PTPN21: variants seen among roughly 807,000 people sequenced by gnomAD.
The protein encoded by PTPN21 is protein tyrosine phosphatase non-receptor type 21.
Under a neutral mutation model 131.8 loss-of-function variants are expected in PTPN21, and 77 were observed. The ratio of observed to expected loss-of-function variants is 0.58; its 90% CI spans 0.49 to 0.71. PTPN21 has a LOEUF of 0.71. PTPN21 is among the 30% of genes least tolerant of loss of function. The pLI is 0.00. For missense variants in PTPN21, 1,552 were observed against 1,527.1 expected, an observed-to-expected ratio of 1.02 and a Z score of -0.27; for synonymous variants, 715 against 621.3, an observed-to-expected ratio of 1.15 and a Z score of -2.24.
chr14:88,516,608 G>A (rs1204650346), intron 3 of PTPN21, among the ~76,000 whole-genome samples: 5 of 151,802 alleles, frequency 3.3e-5, no homozygotes, highest in Non-Finnish European at 7.4e-5. Flanking sequence ...GCACTTATTG[G>A]CCAAAATTTC....
intron 5 of PTPN21, 95 bp from the exon 6 acceptor site, chr14:88,504,590 C>G (rs2078060470): frequency 1.0e-6 from 1 of 958,558 alleles, no homozygotes; most frequent in South Asian, 1.4e-5. Context: ...TCGTCACTAT[C>G]AGGCAAAATT....
intron 10 of PTPN21, among the ~76,000 whole-genome samples, chr14:88,495,797 G>C (rs1015361059): frequency 2.0e-5 from 3 of 152,134 alleles, no homozygotes; most frequent in Admixed American, 2.0e-4. Flanking sequence ...GCGGTCAAGT[G>C]AGAGAACTCA....
In PTPN21 at chr14:88,479,568, G is replaced by A. The variant is rs766228339; in HGVS notation, c.1863C>T (p.Ser621=). The stretch of plus-strand genomic sequence containing the variant: ...CGTGGCGCGCGGCGGTGAGGGGCTC[G>A]CTGACCTCCTGCAGCGAGTGCGCCA... ...LPVAHSLQEV[S]EPLTAARHAQ... is the part of the protein sequence containing the mutation. Residue 621 remains serine (S), a synonymous_variant, in exon 13 of 19, where the codon AGC becomes AGT. Transcript: ENST00000556564. 3.9e-5 allele frequency: 62 copies of A among 1,597,642 alleles called. No homozygotes were observed. The highest frequency in any genetic ancestry group is 3.4e-5 in the Admixed American group (2 of 59,620).
intron 4 of PTPN21, 116 bp downstream of exon 4, chr14:88,507,807 A>G: frequency 1.9e-6 from 1 of 534,848 alleles, no homozygotes; most frequent in Non-Finnish European, 3.1e-6. Flanking sequence ...TATTTCACTA[A>G]TATATAAACA....
chr14:88,518,384 GTGTATATATATATA>G (rs1468681762), intron 2 of PTPN21, among the ~76,000 whole-genome samples: 1 of 13,330 alleles, frequency 7.5e-5, no homozygotes, highest in Non-Finnish European at 1.6e-4. Context: ...ATGTGTGTGT[GTGTATATATATATA>G]TATATATATA....
intron 2 of PTPN21, among the ~76,000 whole-genome samples, chr14:88,528,330 G>T (rs2078510246): frequency 6.6e-6 from 1 of 152,196 alleles, no homozygotes; most frequent in Admixed American, 6.5e-5. Flanking sequence ...TCTTTCAGCA[G>T]TGTTTTGTAG....
intron 10 of PTPN21, chr14:88,493,256 T>C: frequency 3.0e-6 from 1 of 328,602 alleles, no homozygotes; most frequent in East Asian, 8.7e-5. Context: ...GTCATTGTTA[T>C]AAAAGAGGTA....
At chr14:88,544,054 A>C (rs1391418829) in intron 2 of PTPN21, among the ~76,000 whole-genome samples, 1 of 152,160 alleles carries the variant, frequency 6.6e-6, no homozygotes, top group Non-Finnish European at 1.5e-5. Context: ...AGGATTAAAA[A>C]ACTTTTTAGG....
At chr14:88,534,334 G>A (rs1461598421) in intron 2 of PTPN21, among the ~76,000 whole-genome samples, 3 of 150,548 alleles carry the variant, frequency 2.0e-5, no homozygotes, top group Non-Finnish European at 3.0e-5. Flanking sequence ...AGTAAGCCAA[G>A]ATCACGCAAC....
At chr14:88,520,925 C>A (rs1413763183) in intron 2 of PTPN21, among the ~76,000 whole-genome samples, 4 of 152,116 alleles carry the variant, frequency 2.6e-5, no homozygotes, top group African/African-American at 9.7e-5. Flanking sequence ...CTCACTGCAA[C>A]TTCAAACTCC....
At chr14:88,526,088 A>T (rs938060162) in intron 2 of PTPN21, among the ~76,000 whole-genome samples, 7 of 152,184 alleles carry the variant, frequency 4.6e-5, no homozygotes, top group Non-Finnish European at 7.3e-5. Context: ...CAAGACTAGA[A>T]TATATAAATC....
chr14:88,501,854 G>A (rs997910373), intron 6 of PTPN21, among the ~76,000 whole-genome samples: 4 of 151,884 alleles, frequency 2.6e-5, no homozygotes, highest in Non-Finnish European at 5.9e-5. Flanking sequence ...GCATGGTGGT[G>A]CACATCTATA....
At chr14:88,515,305 C>G (rs1349197084) in intron 3 of PTPN21, 1 of 152,148 alleles carries the variant, frequency 6.6e-6, no homozygotes, top group Non-Finnish European at 1.5e-5. Flanking sequence ...CTAATAGGCC[C>G]ATTCTCTCTC....
intron 2 of PTPN21, among the ~76,000 whole-genome samples, chr14:88,517,704 GTATA>G (rs551803473): frequency 2.8e-4 from 28 of 99,340 alleles, no homozygotes; most frequent in Non-Finnish European, 5.4e-4. Context: ...GTGCGTATGT[GTATA>G]TATGTGTGTA....
intron 2 of PTPN21, among the ~76,000 whole-genome samples, chr14:88,543,602 G>A (rs1001655907): frequency 2.0e-5 from 3 of 152,176 alleles, no homozygotes; most frequent in Non-Finnish European, 2.9e-5. Flanking sequence ...TGCCATCCCA[G>A]ACCCTGGCAA....
At chr14:88,497,136 C>A (rs984217885) in intron 9 of PTPN21, 67 bp downstream of exon 9, 93 of 1,212,590 alleles carry the variant, frequency 7.7e-5, no homozygotes, top group Non-Finnish European at 1.0e-4. Context: ...CACATACAGG[C>A]ACGCAGAAGT....
chr14:88,487,687 A>G (rs2077758266), intron 10 of PTPN21, among the ~76,000 whole-genome samples: 1 of 152,100 alleles, frequency 6.6e-6, no homozygotes, highest in African/African-American at 2.4e-5. Context: ...AAGATATTCC[A>G]TTCTTCCAGT....
chr14:88,469,099 A>T lies in PTPN21; in HGVS notation c.3236-23T>A. 6.3e-7 allele frequency: 1 copy of T among 1,599,332 alleles called. No individual in the cohort carries two copies. The highest frequency in any genetic ancestry group is 1.1e-5 in the South Asian group (1 of 89,934). On this transcript the variant is annotated intron_variant, in intron 17 of 18. Transcript: ENST00000556564. The surrounding 1 kb of genome is among the most constrained non-coding windows in gnomAD (Gnocchi z 4.3). ...ATGCTGTGGAAAATCAATGAAATAG[A>T]AAAGTACTCAAGGATCAAGGCGTAT...
intron 10 of PTPN21, among the ~76,000 whole-genome samples, chr14:88,488,706 G>A (rs964247991): frequency 2.0e-5 from 3 of 152,006 alleles, no homozygotes; most frequent in Admixed American, 6.6e-5. Context: ...TAGTGCCAGC[G>A]ACTTGGAAGG....
Sources: gnomAD v4.1 joint callset for allele counts (sites outside exome capture counted in the v4.1 genomes callset) on GRCh38, gnomAD v4.1.1 for gene constraint, Gnocchi (gnomAD v3.1) non-coding constraint, MANE v1.5 for transcripts, NCBI Gene and HGNC (gene_info 2026-07-23, HGNC 2026-07-21) for gene names.